Variants in KREMEN1 observed in about 807,000 individuals in gnomAD.
The protein encoded by KREMEN1 is kringle containing transmembrane protein 1.
A neutral mutation model predicts 46.5 loss-of-function variants in KREMEN1; 30 were observed. That is an observed-to-expected ratio of 0.65 (90% CI 0.48 to 0.88). KREMEN1 has a LOEUF of 0.88. Among genes scored for constraint, KREMEN1 ranks in the 40% least tolerant of loss-of-function variants. KREMEN1 has a pLI of 0.00. For missense variants in KREMEN1, 533 were observed against 596.9 expected, an observed-to-expected ratio of 0.89 and a Z score of 1.11; for synonymous variants, 214 against 230.6, an observed-to-expected ratio of 0.93 and a Z score of 0.65.
intron 3 of KREMEN1, 143 bp from the exon 4 acceptor site, chr22:29,121,214 C>A: frequency 1.1e-6 from 1 of 904,622 alleles, no homozygotes; most frequent in Non-Finnish European, 1.6e-6. Flanking sequence ...CTTCCATTTT[C>A]AAAGCTGGTT....
chr22:29,077,353 A>C (rs2037588719), intron 1 of KREMEN1, among the ~76,000 whole-genome samples: 1 of 152,066 alleles, frequency 6.6e-6, no homozygotes, highest in Admixed American at 6.6e-5. Context: ...TCCTATTTTT[A>C]TTTATTTTTT....
chr22:29,073,036 C>G lies in KREMEN1; in HGVS notation c.-95C>G, dbSNP rs1013037700. On this transcript the variant is annotated 5_prime_UTR_variant, in exon 1 of 9. Transcript: ENST00000400335. This position sits in a 1 kb window ranked among gnomAD's most constrained non-coding sequence, Gnocchi z 4.4. ...GCCGGGCGGCCGGGGCGGGGCTACACTCGGGCCCCGCGTCCTGCTCCCATG... is the reference window on the plus strand; with the variant it reads ...GCCGGGCGGCCGGGGCGGGGCTACAGTCGGGCCCCGCGTCCTGCTCCCATG... 1 of 206,376 alleles carries G rather than the reference C, an allele frequency of 4.8e-6. No homozygotes were observed. The highest frequency in any genetic ancestry group is 1.5e-4 in the South Asian group (1 of 6,646). 12.8% of individuals were successfully genotyped at this position (206,376 alleles called of 1,614,324 possible).
At chr22:29,147,083 C>T (rs143755333), downstream of KREMEN1, among the ~76,000 whole-genome samples, 1 of 152,266 alleles carries the variant, frequency 6.6e-6, no homozygotes, top group East Asian at 1.9e-4. Flanking sequence ...CAGGGCAGAG[C>T]ACAAGGCTCT....
intron 1 of KREMEN1, among the ~76,000 whole-genome samples, chr22:29,090,547 C>T (rs1041365698): frequency 2.6e-5 from 4 of 152,044 alleles, no homozygotes; most frequent in South Asian, 2.1e-4. Context: ...AACATGATCA[C>T]GATAGAAAAC....
At chr22:29,152,739 CTG>C (rs1569341214) in intron 9 of KREMEN1, among the ~76,000 whole-genome samples, 77 of 152,226 alleles carry the variant, frequency 5.1e-4, no homozygotes, top group Non-Finnish European at 9.7e-4. Context: ...GGGTCTCACT[CTG>C]TCGCCCAGGC....
chr22:29,134,838 T>A (rs2038631418), intron 5 of KREMEN1, among the ~76,000 whole-genome samples: 1 of 152,186 alleles, frequency 6.6e-6, no homozygotes, highest in East Asian at 1.9e-4. Flanking sequence ...GTAGCCCTGT[T>A]CCATCCTCAG....
At chr22:29,098,802 G>A (rs1175894167) in intron 2 of KREMEN1, 60 bp from the exon 3 acceptor site, 2 of 1,257,764 alleles carry the variant, frequency 1.6e-6, no homozygotes, top group South Asian at 1.2e-5. Context: ...AAACTGAAAA[G>A]CAATGAACCA....
At chr22:29,125,517 C>A in intron 5 of KREMEN1, 101 bp downstream of exon 5, 1 of 1,198,980 alleles carries the variant, frequency 8.3e-7, no homozygotes, top group Non-Finnish European at 1.2e-6. Flanking sequence ...TTCATTCATT[C>A]ACTTGGCAAT....
At chr22:29,160,028 AACTCAGC>A (rs1274309004) in intron 9 of KREMEN1, among the ~76,000 whole-genome samples, 2 of 152,164 alleles carry the variant, frequency 1.3e-5, no homozygotes, top group Non-Finnish European at 2.9e-5. Context: ...TCTGGACTTA[AACTCAGC>A]ACTTGACCAA....
intron 3 of KREMEN1, 38 bp downstream of exon 3, chr22:29,098,991 T>C (rs1193289731): frequency 5.4e-6 from 8 of 1,477,146 alleles, no homozygotes; most frequent in Admixed American, 5.0e-5. Context: ...TTTACAGGAC[T>C]GTGAACACTA....
chr22:29,150,916 G>A (rs947373979), downstream of KREMEN1, among the ~76,000 whole-genome samples: 1 of 152,172 alleles, frequency 6.6e-6, no homozygotes, highest in Non-Finnish European at 1.5e-5. Context: ...CCAAGGTTCG[G>A]ACTCAGCCTG....
At chr22:29,095,839 T>C (rs902113214) in intron 2 of KREMEN1, among the ~76,000 whole-genome samples, 2 of 152,050 alleles carry the variant, frequency 1.3e-5, no homozygotes, top group Non-Finnish European at 2.9e-5. Flanking sequence ...TATTGACTTA[T>C]TTTGTTTGTT....
chr22:29,143,570 G>A lies in KREMEN1; in HGVS notation c.*1458G>A, dbSNP rs58849768. On this transcript the variant is annotated 3_prime_UTR_variant, in exon 9 of 9. Transcript: ENST00000400335. ...ATCCTGGCTAAGATGGTGAAACCCC[G>A]TCTCTACTAAAAATACAAAAAATTA... 147 of 721,624 alleles carry A rather than the reference G, an allele frequency of 2.0e-4. No homozygotes were observed. The African/African-American group carries it at 2.6e-3, about 13-fold the overall frequency. 44.7% of individuals were successfully genotyped at this position (721,624 alleles called of 1,614,324 possible). A position where few individuals can be genotyped will look rare whatever the true frequency, so the allele number is the denominator to read the frequency against.
chr22:29,096,887 C>T (rs1181281948), intron 2 of KREMEN1, among the ~76,000 whole-genome samples: 1 of 152,238 alleles, frequency 6.6e-6, no homozygotes, highest in Non-Finnish European at 1.5e-5. Context: ...TCTCAACTGA[C>T]ACCCGACACC....
intron 9 of KREMEN1, among the ~76,000 whole-genome samples, chr22:29,162,297 T>C (rs1432171479): frequency 6.6e-6 from 1 of 152,044 alleles, no homozygotes; most frequent in Non-Finnish European, 1.5e-5. Flanking sequence ...CCTTTCGTGA[T>C]AAAAACCCTC....
At chr22:29,131,652 ATG>A (rs1380900018) in intron 5 of KREMEN1, among the ~76,000 whole-genome samples, 1 of 86,460 alleles carries the variant, frequency 1.2e-5, no homozygotes, top group Admixed American at 1.0e-4. Context: ...GTGTATATAT[ATG>A]TATATATATA....
At chr22:29,126,221 A>C (rs765128559) in intron 5 of KREMEN1, among the ~76,000 whole-genome samples, 8 of 152,094 alleles carry the variant, frequency 5.3e-5, no homozygotes, top group Non-Finnish European at 1.2e-4. Flanking sequence ...ACCAGGCAGC[A>C]TGGCTAGTTT....
chr22:29,091,059 C>T (rs546114755), intron 1 of KREMEN1, among the ~76,000 whole-genome samples: 12 of 152,318 alleles, frequency 7.9e-5, no homozygotes, highest in East Asian at 1.9e-4. Context: ...CCACAACCTC[C>T]GCCTCCTGGG....
At chr22:29,136,982 G>GCCTTGAAACTTC (rs2038669384) in intron 5 of KREMEN1, among the ~76,000 whole-genome samples, 1 of 152,216 alleles carries the variant, frequency 6.6e-6, no homozygotes, top group Non-Finnish European at 1.5e-5. Flanking sequence ...TACAGGAGCA[G>GCCTTGAAACTTC]ATGGTGCTCT....
Sources: gnomAD v4.1 joint callset for allele counts (sites outside exome capture counted in the v4.1 genomes callset) on GRCh38, gnomAD v4.1.1 for gene constraint, Gnocchi (gnomAD v3.1) non-coding constraint, MANE v1.5 for transcripts, NCBI Gene and HGNC (gene_info 2026-07-23, HGNC 2026-07-21) for gene names.